MAP7: variants seen among roughly 807,000 people sequenced by gnomAD.
MAP7 encodes the protein microtubule associated protein 7, also known as ensconsin.
Under a neutral mutation model 94.8 loss-of-function variants are expected in MAP7, and 52 were observed. The observed-to-expected ratio is 0.55, with a 90% CI of 0.44 to 0.69. The LOEUF (loss-of-function observed/expected upper bound fraction) is 0.69. MAP7 is among the 30% of genes least tolerant of loss of function. MAP7 has a pLI of 0.00. For missense variants in MAP7, 940 were observed against 964.6 expected (o/e 0.97, Z 0.34); for synonymous variants, 350 against 357.0 (o/e 0.98, Z 0.22).
Position 136,356,586 on chromosome 6 carries a change from G to GC in MAP7, c.2015+105dup, listed in dbSNP as rs61633380. ...ACTAGCTCAACCAAAAATCAATGAG[G>GC]CCCCCCCCAAATAATAAATCCTAAT... On this transcript the variant is annotated intron_variant, in intron 16 of 17. Coordinates refer to ENST00000354570, the MANE Select transcript of MAP7 (RefSeq NM_003980.6). The GC allele has an allele frequency of 8.9e-4, 724 of 809,298 alleles. 5 individuals carry two copies. The highest frequency in any genetic ancestry group is 2.4e-3 in the South Asian group (140 of 58,876). The allele number at this position is 809,298 out of a possible 1,614,324, so 50.1% of individuals were successfully genotyped here. A position where few individuals can be genotyped will look rare whatever the true frequency, so the allele number is the denominator to read the frequency against.
chr6:136,456,870 A>AGAAGAAGAAGAAGAAGAAGAG lies in MAP7; in HGVS notation c.68-35072_68-35071insCTCTTCTTCTTCTTCTTCTTC, dbSNP rs1554259587. 2.9e-3 allele frequency among the ~76,000 whole-genome samples: 407 copies of AGAAGAAGAAGAAGAAGAAGAG among 140,652 alleles called. 6 individuals are homozygous for AGAAGAAGAAGAAGAAGAAGAG. The highest frequency in any genetic ancestry group is 0.013 in the South Asian group (42 of 3,264). 92.3% of individuals were successfully genotyped at this position (140,652 alleles called of 152,430 possible). A position where few individuals can be genotyped will look rare whatever the true frequency, so the allele number is the denominator to read the frequency against. ...AAGAGGAAGAAGAAGAAGAAGAAGA[A>AGAAGAAGAAGAAGAAGAAGAG]GAAATACTTCAAATAAAAACAAAAC... On this transcript the variant is annotated intron_variant, in intron 1 of 17. Coordinates refer to ENST00000354570, the MANE Select transcript of MAP7 (RefSeq NM_003980.6).
chr6:136,474,243 G>A (rs2128945688), intron 1 of MAP7, among the ~76,000 whole-genome samples: 1 of 152,290 alleles, frequency 6.6e-6, no homozygotes, highest in East Asian at 1.9e-4. Context: ...ACACCAATGG[G>A]AAACCTTTGG....
intron 1 of MAP7, among the ~76,000 whole-genome samples, chr6:136,516,067 C>A (rs551961154): frequency 6.6e-6 from 1 of 152,090 alleles, no homozygotes; most frequent in Non-Finnish European, 1.5e-5. Flanking sequence ...AGACAATAAA[C>A]GACTCAGCAA....
At chr6:136,456,597 A>C (rs1293485236) in intron 1 of MAP7, among the ~76,000 whole-genome samples, 1 of 151,774 alleles carries the variant, frequency 6.6e-6, no homozygotes, top group African/African-American at 2.4e-5. Context: ...ACCTGATCCC[A>C]GGAGATCAAG....
chr6:136,524,370 T>A (rs1827258406), intron 1 of MAP7, among the ~76,000 whole-genome samples: 1 of 152,176 alleles, frequency 6.6e-6, no homozygotes. Context: ...ATGAGAACAA[T>A]TCAACAAATC....
intron 16 of MAP7, among the ~76,000 whole-genome samples, chr6:136,351,730 C>A (rs1265929515): frequency 6.6e-6 from 1 of 152,182 alleles, no homozygotes; most frequent in Non-Finnish European, 1.5e-5. Context: ...TGATTTACTG[C>A]CTCTCAGCTC....
chr6:136,464,112 T>A (rs1480608299), intron 1 of MAP7, among the ~76,000 whole-genome samples: 1 of 152,220 alleles, frequency 6.6e-6, no homozygotes, highest in East Asian at 1.9e-4. Context: ...CATGAAATTA[T>A]CTTTCTGGAG....
chr6:136,360,295 G>A (rs556990311), intron 13 of MAP7, among the ~76,000 whole-genome samples: 36 of 152,160 alleles, frequency 2.4e-4, no homozygotes, highest in African/African-American at 8.2e-4. Context: ...ACAGGCGCCC[G>A]CCACCACGCC....
intron 1 of MAP7, among the ~76,000 whole-genome samples, chr6:136,516,662 G>A (rs1193104776): frequency 6.6e-6 from 1 of 152,270 alleles, no homozygotes; most frequent in East Asian, 1.9e-4. Flanking sequence ...TTTCTCCATC[G>A]TAAGTGTTCA....
intron 1 of MAP7, among the ~76,000 whole-genome samples, chr6:136,540,437 C>A (rs746973): frequency 0.26 from 40,097 of 151,748 alleles, 6,709 homozygotes; most frequent in African/African-American, 0.47. Context: ...AAAGTCAAAA[C>A]AAAAGCTGAA....
intron 1 of MAP7, among the ~76,000 whole-genome samples, chr6:136,455,165 T>G (rs1461051642): frequency 6.6e-6 from 1 of 151,616 alleles, no homozygotes; most frequent in Non-Finnish European, 1.5e-5. Flanking sequence ...TGCTTCCAAA[T>G]GTAGCAATGA....
intron 1 of MAP7, among the ~76,000 whole-genome samples, chr6:136,480,853 A>G (rs1812630719): frequency 6.6e-6 from 1 of 152,058 alleles, no homozygotes; most frequent in Non-Finnish European, 1.5e-5. Flanking sequence ...GTGGAAGAAA[A>G]TATTTGCAAA....
intron 1 of MAP7, among the ~76,000 whole-genome samples, chr6:136,438,591 C>T (rs889231192): frequency 6.6e-6 from 1 of 152,116 alleles, no homozygotes; most frequent in African/African-American, 2.4e-5. Context: ...CCTAGGAGAA[C>T]TTCCCTCACT....
At chr6:136,518,859 G>C (rs889050343) in intron 1 of MAP7, among the ~76,000 whole-genome samples, 9 of 152,146 alleles carry the variant, frequency 5.9e-5, no homozygotes, top group African/African-American at 1.9e-4. Context: ...ACTTAATTGT[G>C]TTTGGTTCCT....
intron 2 of MAP7, among the ~76,000 whole-genome samples, chr6:136,418,351 GT>G (rs1450290126): frequency 6.6e-6 from 1 of 151,970 alleles, no homozygotes; most frequent in Non-Finnish European, 1.5e-5. Flanking sequence ...AGTAGCTGGG[GT>G]TATGGGCGCG....
chr6:136,446,172 G>A (rs556787938), intron 1 of MAP7, among the ~76,000 whole-genome samples: 1 of 152,138 alleles, frequency 6.6e-6, no homozygotes, highest in South Asian at 2.1e-4. Flanking sequence ...ACAGGGCACA[G>A]CATGGGAGAA....
chr6:136,397,380 T>C (rs930233013), intron 3 of MAP7, among the ~76,000 whole-genome samples: 2 of 152,172 alleles, frequency 1.3e-5, no homozygotes, highest in African/African-American at 4.8e-5. Context: ...AATTTCAGAA[T>C]AGGTTAAAAT....
At chr6:136,467,103 A>G (rs572009775) in intron 1 of MAP7, among the ~76,000 whole-genome samples, 7 of 152,300 alleles carry the variant, frequency 4.6e-5, no homozygotes, top group African/African-American at 1.7e-4. Context: ...TGGTTAAGAA[A>G]TGGTTGCTAA....
chr6:136,514,434 A>C (rs1824155230), intron 1 of MAP7, among the ~76,000 whole-genome samples: 2 of 151,866 alleles, frequency 1.3e-5, no homozygotes, highest in South Asian at 4.2e-4. Context: ...AAAATACAAA[A>C]AGTTAGCCAG....
Sources: gnomAD v4.1 joint callset for allele counts (sites outside exome capture counted in the v4.1 genomes callset) on GRCh38, gnomAD v4.1.1 for gene constraint, MANE v1.5 for transcripts, NCBI Gene and HGNC (gene_info 2026-07-23, HGNC 2026-07-21) for gene names.